The following ABCC4 variants were observed in gnomAD, a reference collection of about 807,000 sequenced individuals.
The protein encoded by ABCC4 is ATP binding cassette subfamily C member 4 (PEL blood group).
A neutral mutation model predicts 168.5 loss-of-function variants in ABCC4; 102 were observed. The observed-to-expected ratio is 0.61, with a 90% confidence interval of 0.52 to 0.71. ABCC4 has a LOEUF of 0.71. Among genes scored for constraint, ABCC4 ranks in the 30% least tolerant of loss-of-function variants. The pLI is 0.00. For synonymous variants in ABCC4, 617 were observed against 590.7 expected (o/e 1.04, Z -0.65); for missense variants, 1,402 against 1,605.8 (o/e 0.87, Z 2.17).
chr13:95,039,369 A>T (rs1227429873), intron 29 of ABCC4, among the ~76,000 whole-genome samples: 2 of 152,200 alleles, frequency 1.3e-5, no homozygotes, highest in Non-Finnish European at 1.5e-5. Flanking sequence ...AAGATTCTAG[A>T]TCTTTTACAA....
At chr13:95,284,157 G>GTT (rs1343516507) in intron 1 of ABCC4, among the ~76,000 whole-genome samples, 3 of 152,026 alleles carry the variant, frequency 2.0e-5, no homozygotes, top group Non-Finnish European at 4.4e-5. Flanking sequence ...TTTGTTTTTT[G>GTT]TTTTGGTTTT....
chr13:95,026,976 C>T (rs2139203824), intron 30 of ABCC4, among the ~76,000 whole-genome samples: 1 of 152,060 alleles, frequency 6.6e-6, no homozygotes, highest in Middle Eastern at 3.4e-3. Flanking sequence ...GAACAGACAA[C>T]ACGAGAAGAC....
At chr13:95,151,841 C>A (rs751342007) in intron 19 of ABCC4, among the ~76,000 whole-genome samples, 3 of 152,106 alleles carry the variant, frequency 2.0e-5, no homozygotes, top group Admixed American at 6.5e-5. Context: ...GTAATGTGAC[C>A]GACTTAGTTA....
At chr13:95,155,939 T>G (rs944786671) in intron 19 of ABCC4, among the ~76,000 whole-genome samples, 1 of 152,200 alleles carries the variant, frequency 6.6e-6, no homozygotes, top group Admixed American at 6.5e-5. Context: ...CTGATAAGAA[T>G]AAAATGTCTC....
At chr13:95,041,335 C>G (rs2032350079) in intron 29 of ABCC4, among the ~76,000 whole-genome samples, 1 of 152,182 alleles carries the variant, frequency 6.6e-6, no homozygotes, top group African/African-American at 2.4e-5. Flanking sequence ...AACACATAAA[C>G]AAAGCTATTA....
intron 20 of ABCC4, among the ~76,000 whole-genome samples, chr13:95,106,113 G>A (rs567117894): frequency 3.9e-5 from 6 of 152,224 alleles, no homozygotes; most frequent in Admixed American, 2.6e-4. Context: ...AAAGACCTTA[G>A]AGGGGTTCAG....
intron 20 of ABCC4, among the ~76,000 whole-genome samples, chr13:95,090,783 C>G (rs2034406818): frequency 6.6e-6 from 1 of 152,120 alleles, no homozygotes; most frequent in African/African-American, 2.4e-5. Context: ...GAGAAGAAAT[C>G]CCTGATTTAC....
At chr13:95,267,707 T>C (rs1269195831) in intron 1 of ABCC4, among the ~76,000 whole-genome samples, 1 of 152,192 alleles carries the variant, frequency 6.6e-6, no homozygotes, top group Non-Finnish European at 1.5e-5. Flanking sequence ...TGGTCCCTGA[T>C]GGTTTACACT....
chr13:95,223,904 A>G (rs1470777140), intron 4 of ABCC4, among the ~76,000 whole-genome samples: 1 of 152,240 alleles, frequency 6.6e-6, no homozygotes, highest in East Asian at 1.9e-4. Context: ...TCAGCAGTTT[A>G]AAAGCAACAG....
chr13:95,070,669 G>A (rs1390658711), intron 25 of ABCC4, among the ~76,000 whole-genome samples: 1 of 152,146 alleles, frequency 6.6e-6, no homozygotes, highest in African/African-American at 2.4e-5. Flanking sequence ...GAGCACTGAT[G>A]GGGTCATGGG....
At chr13:95,220,452 A>G (rs1301902890) in intron 4 of ABCC4, among the ~76,000 whole-genome samples, 2 of 152,252 alleles carry the variant, frequency 1.3e-5, no homozygotes, top group African/African-American at 4.8e-5. Context: ...ACAGTACTGT[A>G]ATACTGCAAA....
At chr13:95,188,620 C>T (rs1236637575) in intron 9 of ABCC4, 78 bp from the exon 10 acceptor site, 3 of 1,176,918 alleles carry the variant, frequency 2.5e-6, no homozygotes, top group African/African-American at 3.1e-5. Flanking sequence ...GAAAACAATA[C>T]AACAGTCATT....
intron 19 of ABCC4, among the ~76,000 whole-genome samples, chr13:95,122,411 TGTAA>T (rs751400813): frequency 1.1e-4 from 17 of 152,324 alleles, no homozygotes; most frequent in Admixed American, 7.2e-4. Context: ...CATGAAAACT[TGTAA>T]GTAATTTTTG....
In ABCC4 at chr13:95,077,673, T is replaced by A. The variant is rs1287330382; in HGVS notation, c.2687-2122A>T. On this transcript the variant is annotated intron_variant, in intron 21 of 30. Coordinates refer to ENST00000645237, the MANE Select transcript of ABCC4 (RefSeq NM_005845.5). ...ACAGGCGATGGCTACATATGTTTTA[T>A]AAAATGATGAGGGGGTAGGGTGGGG... is the stretch of plus-strand genomic sequence containing the variant. 2.9e-5 allele frequency among the ~76,000 whole-genome samples: 4 copies of A among 139,242 alleles called. No individual in the cohort carries two copies. The East Asian group carries it at 7.0e-4, about 24-fold the overall frequency. The allele number at this position is 139,242 out of a possible 152,430, so 91.3% of individuals were successfully genotyped here. A position where few individuals can be genotyped will look rare whatever the true frequency, so the allele number is the denominator to read the frequency against.
At chr13:95,249,336 C>T (rs2040198145) in intron 1 of ABCC4, among the ~76,000 whole-genome samples, 1 of 152,110 alleles carries the variant, frequency 6.6e-6, no homozygotes, top group South Asian at 2.1e-4. Context: ...CTTATCTGGC[C>T]ATGTGTCACC....
At chr13:95,042,533 G>A (rs972401436) in intron 29 of ABCC4, among the ~76,000 whole-genome samples, 6 of 152,282 alleles carry the variant, frequency 3.9e-5, no homozygotes, top group Admixed American at 2.0e-4. Flanking sequence ...ACTGTAAATT[G>A]CTTTGTAGAA....
chr13:95,147,555 A>C (rs1472010537), intron 19 of ABCC4, among the ~76,000 whole-genome samples: 1 of 152,216 alleles, frequency 6.6e-6, no homozygotes, highest in Non-Finnish European at 1.5e-5. Flanking sequence ...AGGCTCAACA[A>C]TCTAAAACTG....
At chr13:95,127,282 A>C (rs1019606725) in intron 19 of ABCC4, among the ~76,000 whole-genome samples, 4 of 151,676 alleles carry the variant, frequency 2.6e-5, no homozygotes, top group Admixed American at 1.3e-4. Flanking sequence ...CAGGGATATA[A>C]ATTTATTTTA....
chr13:95,115,493 G>A (rs2139411041), intron 20 of ABCC4, among the ~76,000 whole-genome samples: 1 of 79,868 alleles, frequency 1.3e-5, no homozygotes, highest in East Asian at 3.1e-4. Context: ...AACCACACCT[G>A]GTTCTATCCA....
Sources: gnomAD v4.1 joint callset for allele counts (sites outside exome capture counted in the v4.1 genomes callset) on GRCh38, gnomAD v4.1.1 for gene constraint, MANE v1.5 for transcripts, NCBI Gene and HGNC (gene_info 2026-07-23, HGNC 2026-07-21) for gene names.